CDH23: variants seen among roughly 807,000 people sequenced by gnomAD.
The protein encoded by CDH23 is cadherin related 23, also known as cadherin-23.
Under a neutral mutation model 317.1 loss-of-function variants are expected in CDH23, and 189 were observed. The ratio of observed to expected loss-of-function variants is 0.60; its 90% CI spans 0.53 to 0.67. The LOEUF is 0.67. CDH23 is among the 30% of genes least tolerant of loss of function. CDH23 has a pLI of 0.00. For synonymous variants in CDH23, 1,839 were observed against 1,876.8 expected (o/e 0.98, Z 0.52); for missense variants, 4,401 against 4,592.4 (o/e 0.96, Z 1.20).
chr10:71,485,338 T>G (rs1271076719), intron 3 of CDH23, among the ~76,000 whole-genome samples: 1 of 152,206 alleles, frequency 6.6e-6, no homozygotes, highest in East Asian at 1.9e-4. Flanking sequence ...TGTGTGTTTT[T>G]CTTATAAAAA....
chr10:71,724,880 A>T (rs1357364816), intron 29 of CDH23, among the ~76,000 whole-genome samples: 1 of 152,232 alleles, frequency 6.6e-6, no homozygotes, highest in Non-Finnish European at 1.5e-5. Context: ...AGATCCCCAA[A>T]GAAAAATCAG....
At chr10:71,547,446 C>A (rs1856344832) in intron 6 of CDH23, among the ~76,000 whole-genome samples, 1 of 152,194 alleles carries the variant, frequency 6.6e-6, no homozygotes, top group South Asian at 2.1e-4. Flanking sequence ...ACCAGGCAGG[C>A]CAGGCAGCGC....
At chr10:71,629,000 T>C (rs750311123) in intron 11 of CDH23, among the ~76,000 whole-genome samples, 20 of 152,166 alleles carry the variant, frequency 1.3e-4, no homozygotes, top group Non-Finnish European at 2.6e-4. Context: ...AGAGGCCTGG[T>C]GGCTAGCGAA....
chr10:71,738,482 C>T lies in CDH23; in HGVS notation c.4210-16C>T, dbSNP rs775928557. ...GGGGAAGGAGGCTGTAGGTCTCTGA[C>T]CACGTTCACCCTCAGGTCTACATCA... On this transcript the variant is annotated splice_polypyrimidine_tract_variant and intron_variant, in intron 34 of 69. Transcript: ENST00000224721. 5.6e-6 allele frequency: 9 copies of T among 1,613,908 alleles called. No individual in the cohort carries two copies. In the East Asian group the frequency reaches 1.8e-4, roughly 32 times the overall value.
At chr10:71,793,874 C>A (rs1041095441) in intron 48 of CDH23, among the ~76,000 whole-genome samples, 21 of 152,170 alleles carry the variant, frequency 1.4e-4, no homozygotes, top group African/African-American at 4.8e-4. Context: ...TTCCTGATTC[C>A]CTCGCCCTAC....
Position 71,579,431 on chromosome 10 carries a change from G to A in CDH23, c.832+1439G>A, listed in dbSNP as rs868070043. Among the ~76,000 whole-genome samples the A allele has an allele frequency of 2.4e-4, 37 of 152,274 alleles. 1 individual carries two copies. Among genetic ancestry groups the A allele is most frequent in the South Asian group, 1.2e-3 (6 of 4,824 alleles). On this transcript the variant is annotated intron_variant, in intron 9 of 69. Coordinates refer to ENST00000224721, the MANE Select transcript of CDH23 (RefSeq NM_022124.6). ...TCTGGTGTCCAGCACAGGACCTGGT[G>A]TAGCGTAAACCCCGATATGTACTTG...
intron 34 of CDH23, among the ~76,000 whole-genome samples, chr10:71,734,899 G>A (rs1465369423): frequency 6.6e-6 from 1 of 152,242 alleles, no homozygotes; most frequent in Non-Finnish European, 1.5e-5. Flanking sequence ...CTTGGGTGGG[G>A]AGAGTACTAG....
chr10:71,625,486 G>C (rs1352172619), intron 11 of CDH23, among the ~76,000 whole-genome samples: 1 of 150,678 alleles, frequency 6.6e-6, no homozygotes, highest in Non-Finnish European at 1.5e-5. Context: ...GGCAGTGATG[G>C]GGTGGAGGTG....
chr10:71,680,829 C>CTTTTT (rs1312991062), intron 17 of CDH23, among the ~76,000 whole-genome samples: 3 of 70,130 alleles, frequency 4.3e-5, no homozygotes, highest in African/African-American at 1.2e-4. Context: ...TTTTCTTTTT[C>CTTTTT]TTTTTTTTTT....
chr10:71,689,052 GA>G (rs1564733919), intron 19 of CDH23, among the ~76,000 whole-genome samples: 17 of 142,082 alleles, frequency 1.2e-4, no homozygotes, highest in East Asian at 4.2e-4. Context: ...TGGAGCCAGG[GA>G]TGGTGGAGCC....
intron 28 of CDH23, among the ~76,000 whole-genome samples, chr10:71,719,248 A>T (rs1301195222): frequency 6.6e-6 from 1 of 152,132 alleles, no homozygotes; most frequent in Non-Finnish European, 1.5e-5. Flanking sequence ...CCAACCAGCA[A>T]AGGCCAGCTA....
At chr10:71,654,318 G>A (rs1863317722) in intron 14 of CDH23, among the ~76,000 whole-genome samples, 1 of 152,264 alleles carries the variant, frequency 6.6e-6, no homozygotes, top group South Asian at 2.1e-4. Context: ...GCTTGCCCTG[G>A]CACAGGAGTT....
intron 48 of CDH23, 33 bp downstream of exon 48, chr10:71,793,673 C>G (rs764546636): frequency 6.8e-7 from 1 of 1,460,292 alleles, no homozygotes; most frequent in South Asian, 1.3e-5. Flanking sequence ...CACCTCCCTC[C>G]CAGCTCCCAG....
chr10:71,440,995 C>A (rs1849849690), intron 2 of CDH23, among the ~76,000 whole-genome samples: 1 of 152,144 alleles, frequency 6.6e-6, no homozygotes, highest in African/African-American at 2.4e-5. Flanking sequence ...CTCCTTGCCT[C>A]CATGTTTGAA....
chr10:71,727,975 C>A (rs1168309876), intron 30 of CDH23, among the ~76,000 whole-genome samples: 1 of 152,160 alleles, frequency 6.6e-6, no homozygotes, highest in Admixed American at 6.5e-5. Context: ...GGCATGTAGC[C>A]AGACTCATGG....
intron 38 of CDH23, among the ~76,000 whole-genome samples, chr10:71,776,779 G>A (rs1840824439): frequency 6.6e-6 from 1 of 152,208 alleles, no homozygotes. Flanking sequence ...GAGGGAGTGT[G>A]GAAGAAACAC....
chr10:71,400,284 C>T (rs138675373), intron 1 of CDH23, among the ~76,000 whole-genome samples: 3 of 152,158 alleles, frequency 2.0e-5, no homozygotes, highest in East Asian at 3.9e-4. Context: ...CTGGTGTAGC[C>T]GATGGTGTCA....
At chr10:71,628,682 G>A (rs1473639166) in intron 11 of CDH23, among the ~76,000 whole-genome samples, 2 of 152,094 alleles carry the variant, frequency 1.3e-5, no homozygotes, top group Admixed American at 6.5e-5. Flanking sequence ...ATGTTTAGTA[G>A]CGATGAGGTT....
Position 71,813,277 on chromosome 10 carries a change from C to G in CDH23, c.9667C>G (p.Leu3223Val). 6.4e-7 allele frequency: 1 copy of G among 1,551,664 alleles called. No homozygotes were observed. Among genetic ancestry groups the G allele is most frequent in the African/African-American group, 1.4e-5 (1 of 73,154 alleles). ...SLLKVVLEDY[L>V]RLKKLFAQRM... is the part of the protein sequence containing the mutation. ...GCTGAAGGTGGTCCTGGAGGATTAC[C>G]TGCGGCTCAAAAAGCTCTTTGCACA... The change falls in exon 69 of 70, where the codon CTG becomes GTG. Residue 3223 changes from leucine (L) to valine (V), a missense_variant. By Grantham distance (32) the Leu-to-Val change is conservative. Transcript: ENST00000224721.
Sources: gnomAD v4.1 joint callset for allele counts (sites outside exome capture counted in the v4.1 genomes callset) on GRCh38, gnomAD v4.1.1 for gene constraint, MANE v1.5 for transcripts, NCBI Gene and HGNC (gene_info 2026-07-23, HGNC 2026-07-21) for gene names.